The following CNTNAP5 variants were observed in gnomAD, a reference collection of about 807,000 sequenced individuals.
CNTNAP5 encodes contactin-associated protein-like 5.
A neutral mutation model predicts 150.2 loss-of-function variants in CNTNAP5; 72 were observed. The ratio of observed to expected loss-of-function variants is 0.48; its 90% confidence interval spans 0.40 to 0.58. The LOEUF is 0.58. Ranked by LOEUF, CNTNAP5 falls within the 20% of genes least tolerant of loss-of-function variation. The pLI, the probability that CNTNAP5 is intolerant of heterozygous loss-of-function variation, is 0.00. For missense variants in CNTNAP5, 1,636 were observed against 1,626.2 expected (o/e 1.01, Z -0.10); for synonymous variants, 672 against 619.8 (o/e 1.08, Z -1.25).
chr2:124,812,497 G>A (rs1682258567), intron 19 of CNTNAP5, among the ~76,000 whole-genome samples: 1 of 151,914 alleles, frequency 6.6e-6, no homozygotes, highest in South Asian at 2.1e-4. Flanking sequence ...TTGGAATTCA[G>A]GAAAAGTCAA....
chr2:124,340,507 G>T (rs1324854179), intron 3 of CNTNAP5, among the ~76,000 whole-genome samples: 2 of 151,996 alleles, frequency 1.3e-5, no homozygotes, highest in African/African-American at 4.8e-5. Flanking sequence ...CTGAAACAAA[G>T]CACCTCTGAG....
intron 1 of CNTNAP5, among the ~76,000 whole-genome samples, chr2:124,092,569 A>G (rs1251104371): frequency 6.6e-6 from 1 of 152,230 alleles, no homozygotes; most frequent in Non-Finnish European, 1.5e-5. Context: ...GGTGTCACCA[A>G]GTCTAGAGAG....
chr2:124,648,866 A>G (rs1678260770), intron 13 of CNTNAP5, among the ~76,000 whole-genome samples: 1 of 152,228 alleles, frequency 6.6e-6, no homozygotes, highest in African/African-American at 2.4e-5. Context: ...CAAGAAACTT[A>G]CATTCCAGCA....
At chr2:124,206,626 G>T (rs1012137579) in intron 1 of CNTNAP5, among the ~76,000 whole-genome samples, 20 of 152,298 alleles carry the variant, frequency 1.3e-4, no homozygotes, top group African/African-American at 4.3e-4. Context: ...GACCACCAGT[G>T]CTCCAGGCTC....
At chr2:124,448,039 C>G (rs1692867003) in intron 6 of CNTNAP5, among the ~76,000 whole-genome samples, 1 of 151,950 alleles carries the variant, frequency 6.6e-6, no homozygotes, top group South Asian at 2.1e-4. Flanking sequence ...GAAACTGAGA[C>G]CAGCAGATCA....
At chr2:124,812,191 T>C (rs1054372345) in intron 19 of CNTNAP5, among the ~76,000 whole-genome samples, 1 of 129,430 alleles carries the variant, frequency 7.7e-6, no homozygotes, top group Non-Finnish European at 1.6e-5. Flanking sequence ...TAAGTATATA[T>C]AAAACAAATG....
chr2:124,818,281 C>T (rs1682410719), intron 19 of CNTNAP5, among the ~76,000 whole-genome samples: 1 of 152,188 alleles, frequency 6.6e-6, no homozygotes, highest in South Asian at 2.1e-4. Flanking sequence ...TATTAGGTAA[C>T]TGGCTCCCAG....
At chr2:124,352,189 A>T (rs569773456) in intron 3 of CNTNAP5, among the ~76,000 whole-genome samples, 1 of 151,986 alleles carries the variant, frequency 6.6e-6, no homozygotes, top group African/African-American at 2.4e-5. Flanking sequence ...TAAAATAAAC[A>T]TTATTTGGAA....
chr2:124,190,626 A>G (rs929736561), intron 1 of CNTNAP5, among the ~76,000 whole-genome samples: 4 of 152,224 alleles, frequency 2.6e-5, no homozygotes, highest in Admixed American at 2.6e-4. Flanking sequence ...AGATAGGAAA[A>G]TGGAAATTTC....
At chr2:124,712,660 T>C (rs1020298381) in intron 13 of CNTNAP5, among the ~76,000 whole-genome samples, 1 of 152,176 alleles carries the variant, frequency 6.6e-6, no homozygotes, top group Non-Finnish European at 1.5e-5. Context: ...AGGTTCAATG[T>C]ACAGTGAGGG....
intron 21 of CNTNAP5, among the ~76,000 whole-genome samples, chr2:124,877,110 G>T (rs1398984334): frequency 2.0e-5 from 3 of 151,914 alleles, no homozygotes; most frequent in Non-Finnish European, 4.4e-5. Context: ...TTCTCCTCAT[G>T]CAACAGGAAT....
At chr2:124,428,104 C>A (rs1210553336) in intron 4 of CNTNAP5, among the ~76,000 whole-genome samples, 1 of 152,190 alleles carries the variant, frequency 6.6e-6, no homozygotes, top group Non-Finnish European at 1.5e-5. Context: ...CTCCTCCTTG[C>A]CTTGAGCTTG....
intron 7 of CNTNAP5, among the ~76,000 whole-genome samples, chr2:124,488,250 T>C (rs551364219): frequency 1.3e-5 from 2 of 152,340 alleles, no homozygotes; most frequent in African/African-American, 4.8e-5. Flanking sequence ...GTAATTCCTT[T>C]TCTTGTTATC....
At position 124,801,572 on chromosome 2, in the gene CNTNAP5, G is replaced by A. The variant is rs562071504; in HGVS notation, c.3217+3252G>A. ...GAGAGGAAAAAATAATAACCTCTGA[G>A]TTTCTTCCCAAGTCTTAGATTTTGT... On this transcript the variant is annotated intron_variant, in intron 19 of 23. Coordinates refer to ENST00000682447, the MANE Select transcript of CNTNAP5 (RefSeq NM_001367498.1). Among the ~76,000 whole-genome samples, 4 of 152,224 alleles carry A rather than the reference G, an allele frequency of 2.6e-5. No homozygotes were observed. In the East Asian group the frequency reaches 5.8e-4, roughly 22 times the overall value.
intron 1 of CNTNAP5, among the ~76,000 whole-genome samples, chr2:124,068,519 C>T (rs912537492): frequency 6.6e-6 from 1 of 152,024 alleles, no homozygotes; most frequent in South Asian, 2.1e-4. Flanking sequence ...ATCTGAAAGG[C>T]AAACTAGGAC....
In CNTNAP5 at chr2:124,210,390, A is replaced by G. The variant is rs1403571737; in HGVS notation, c.83-11315A>G. Among the ~76,000 whole-genome samples the G allele has an allele frequency of 2.0e-5, 3 of 152,338 alleles. No homozygotes were observed. In the East Asian group the frequency reaches 5.8e-4, roughly 29 times the overall value. ...GTGAGCTTCCCAGTTCTTCAGGATAACAAAATAGATTGTCAATAGACCTAG... is the reference window on the plus strand; with the variant it reads ...GTGAGCTTCCCAGTTCTTCAGGATAGCAAAATAGATTGTCAATAGACCTAG... On this transcript the variant is annotated intron_variant, in intron 1 of 23. Coordinates refer to ENST00000682447, the MANE Select transcript of CNTNAP5 (RefSeq NM_001367498.1).
chr2:124,539,022 A>G (rs1002214075), intron 10 of CNTNAP5, among the ~76,000 whole-genome samples: 8 of 152,170 alleles, frequency 5.3e-5, no homozygotes, highest in Admixed American at 5.2e-4. Flanking sequence ...GAGGCGAAGC[A>G]CCTGAAGCCT....
intron 19 of CNTNAP5, among the ~76,000 whole-genome samples, chr2:124,864,487 C>A (rs904203787): frequency 6.6e-6 from 1 of 151,956 alleles, no homozygotes; most frequent in Non-Finnish European, 1.5e-5. Context: ...TTTCCCTTAA[C>A]AAATCTCTCT....
At chr2:124,210,971 T>C (rs1398656176) in intron 1 of CNTNAP5, among the ~76,000 whole-genome samples, 2 of 152,186 alleles carry the variant, frequency 1.3e-5, no homozygotes, top group Non-Finnish European at 2.9e-5. Flanking sequence ...CTGTTCCCTT[T>C]AAGAGTCACC....
Sources: allele counts gnomAD v4.1 joint callset (sites outside exome capture counted in the v4.1 genomes callset), GRCh38; gene constraint gnomAD v4.1.1; transcripts MANE v1.5; gene names NCBI Gene and HGNC (gene_info 2026-07-23, HGNC 2026-07-21).